PDE10A: variants seen among roughly 807,000 people sequenced by gnomAD.
The protein encoded by PDE10A is cAMP and cAMP-inhibited cGMP 3',5'-cyclic phosphodiesterase 10A.
PDE10A carries 39 observed loss-of-function variants against 97.7 expected under a neutral mutation model. The ratio of observed to expected loss-of-function variants is 0.40; its 90% CI spans 0.31 to 0.52. PDE10A has a LOEUF of 0.52. Among genes scored for constraint, PDE10A ranks in the 20% least tolerant of loss-of-function variants. The pLI, the probability that PDE10A is intolerant of heterozygous loss-of-function variation, is 0.56. For synonymous variants in PDE10A, 371 were observed against 376.8 expected, an observed-to-expected ratio of 0.98 and a Z score of 0.18; for missense variants, 731 against 1,047.8, an observed-to-expected ratio of 0.70 and a Z score of 4.17.
Position 165,328,745 on chromosome 6 carries a change from T to C in PDE10A, c.*4280A>G, listed in dbSNP as rs991161205. ...TTCTTAATTTAGAACCAGCACACCGTTGACACTTTTTAATTTTTTCTTGCT... is the reference window on the plus strand; with the variant it reads ...TTCTTAATTTAGAACCAGCACACCGCTGACACTTTTTAATTTTTTCTTGCT... On this transcript the variant is annotated 3_prime_UTR_variant, in exon 22 of 22. Coordinates refer to ENST00000539869, the MANE Select transcript of PDE10A (RefSeq NM_001385079.1). 6.6e-6 allele frequency: 1 copy of C among 152,240 alleles called. No homozygotes were observed. The highest frequency in any genetic ancestry group is 2.4e-5 in the African/African-American group (1 of 41,468). The allele number at this position is 152,240 out of a possible 1,614,324, so 9.4% of individuals were successfully genotyped here. A position where few individuals can be genotyped will look rare whatever the true frequency, so the allele number is the denominator to read the frequency against.
chr6:165,485,953 G>C (rs1483804366), intron 2 of PDE10A, among the ~76,000 whole-genome samples: 2 of 152,228 alleles, frequency 1.3e-5, no homozygotes, highest in African/African-American at 4.8e-5. Context: ...TTTACTGTTG[G>C]TGAAGAGTTG....
chr6:165,671,108 A>C lies in PDE10A; in HGVS notation c.-614-127540T>G, dbSNP rs1790634921. On this transcript the variant is annotated intron_variant, in intron 1 of 19. Coordinates refer to the PDE10A transcript ENST00000366882. The surrounding 1 kb of genome is among the most constrained non-coding windows in gnomAD (Gnocchi z 4.6). Reference sequence around the variant, plus strand: ...AGGTTTTCAACATATCAATGTTAGAATCACCCTTTTTGGGTAAAACGTTCA... The same window carrying C: ...AGGTTTTCAACATATCAATGTTAGACTCACCCTTTTTGGGTAAAACGTTCA... 6.6e-6 allele frequency among the ~76,000 whole-genome samples: 1 copy of C among 151,090 alleles called. No homozygotes were observed. Among genetic ancestry groups the C allele is most frequent in the Non-Finnish European group, 1.5e-5 (1 of 67,842 alleles).
At chr6:165,677,214 C>T (rs975005640) in intron 1 of PDE10A, among the ~76,000 whole-genome samples, 6 of 152,158 alleles carry the variant, frequency 3.9e-5, no homozygotes, top group Non-Finnish European at 8.8e-5. Context: ...GATCAGTGGA[C>T]GACTTCAAGA....
At chr6:165,755,454 C>T in intron 1 of PDE10A, among the ~76,000 whole-genome samples, 1 of 152,196 alleles carries the variant, frequency 6.6e-6, no homozygotes, top group Middle Eastern at 3.2e-3. Flanking sequence ...GAATTTCTCC[C>T]TGTCCCTGTC....
intron 1 of PDE10A, among the ~76,000 whole-genome samples, chr6:165,659,065 T>G (rs1284721915): frequency 6.6e-6 from 1 of 152,138 alleles, no homozygotes; most frequent in Non-Finnish European, 1.5e-5. Context: ...CTAAGTGTTG[T>G]TTGGTGCATG....
At chr6:165,545,138 T>C in intron 1 of PDE10A, 1 of 493,442 alleles carries the variant, frequency 2.0e-6, no homozygotes, top group South Asian at 1.5e-5. Flanking sequence ...GATTCCTTCT[T>C]AAAATTTCTT....
chr6:165,372,761 G>C (rs575046241), intron 18 of PDE10A, among the ~76,000 whole-genome samples: 75 of 121,748 alleles, frequency 6.2e-4, no homozygotes, highest in Non-Finnish European at 8.9e-4. Flanking sequence ...AAAAGAGCCC[G>C]CATTGCCAAG....
intron 1 of PDE10A, among the ~76,000 whole-genome samples, chr6:165,758,472 AAGAAAGAAGAAAGG>A (rs1262262497): frequency 8.3e-6 from 1 of 120,508 alleles, no homozygotes; most frequent in African/African-American, 2.6e-5. Flanking sequence ...AAAAAAGAAG[AAGAAAGAAGAAAGG>A]AGAAAGAAGA....
intron 3 of PDE10A, among the ~76,000 whole-genome samples, chr6:165,459,689 T>A (rs1778204002): frequency 6.6e-6 from 1 of 152,106 alleles, no homozygotes; most frequent in Non-Finnish European, 1.5e-5. Flanking sequence ...GGCTGCTCTG[T>A]GACCTATCAG....
At position 165,482,315 on chromosome 6, in the gene PDE10A, C is replaced by G; in HGVS notation, c.1023G>C (p.Arg341Ser). Residue 341 changes from arginine (R) to serine (S), a missense_variant and splice_region_variant, in exon 3 of 22, where the codon AGG (arginine) becomes AGC (serine). Coordinates refer to ENST00000539869, the MANE Select transcript of PDE10A (RefSeq NM_001385079.1). The part of the protein sequence containing the change: ...EDESAPKEVS[R>S]YQDTNMQGVV... ...TAGAAATAATATTCACATCACTTAC[C>G]CTGCTGACTTCCTTAGGAGCTGATT... 1 of 1,592,380 alleles carries G rather than the reference C, an allele frequency of 6.3e-7. No homozygotes were observed. The highest frequency in any genetic ancestry group is 8.6e-7 in the Non-Finnish European group (1 of 1,160,586).
intron 3 of PDE10A, among the ~76,000 whole-genome samples, chr6:165,479,276 A>AC (rs1471402307): frequency 6.6e-6 from 1 of 152,136 alleles, no homozygotes; most frequent in Non-Finnish European, 1.5e-5. Flanking sequence ...CACTGGGTCT[A>AC]CCTGTTTCCA....
chr6:165,355,774 C>G (rs1282047250), intron 18 of PDE10A, among the ~76,000 whole-genome samples: 1 of 151,974 alleles, frequency 6.6e-6, no homozygotes, highest in African/African-American at 2.4e-5. Flanking sequence ...TAAAACAAAA[C>G]AAAATAAAAA....
chr6:165,757,699 A>G (rs986378786), intron 1 of PDE10A, among the ~76,000 whole-genome samples: 15 of 152,194 alleles, frequency 9.9e-5, no homozygotes, highest in African/African-American at 1.4e-4. Flanking sequence ...ATACGTCTAT[A>G]GTATGTCTTT....
At chr6:165,826,773 T>G in intron 1 of PDE10A, among the ~76,000 whole-genome samples, 3 of 118,032 alleles carry the variant, frequency 2.5e-5, no homozygotes, top group South Asian at 2.9e-4. Flanking sequence ...AGATGTGCGG[T>G]TGGGAGGGGG....
chr6:165,831,048 A>T (rs1455459365), intron 1 of PDE10A, among the ~76,000 whole-genome samples: 1 of 152,170 alleles, frequency 6.6e-6, no homozygotes, highest in African/African-American at 2.4e-5. Context: ...ACTTTTAAAC[A>T]GAGTCCTCTC....
rs138562684 is a variant in PDE10A, at chr6:165,918,861, G to A, written c.-615+68668C>T. Among the ~76,000 whole-genome samples the A allele has an allele frequency of 8.5e-5, 13 of 152,218 alleles. No individual in the cohort carries two copies. In the East Asian group the frequency reaches 2.5e-3, roughly 29 times the overall value. On this transcript the variant is annotated intron_variant, in intron 1 of 19. Coordinates refer to the PDE10A transcript ENST00000366882. Reference sequence around the variant, plus strand: ...AGTGAATGACACAAACTTTCAGACTGTCTTTGCAGATGTGTTTGCGACCTG... The same window carrying A: ...AGTGAATGACACAAACTTTCAGACTATCTTTGCAGATGTGTTTGCGACCTG...
At chr6:165,525,505 T>C (rs1304929993) in intron 2 of PDE10A, among the ~76,000 whole-genome samples, 1 of 151,650 alleles carries the variant, frequency 6.6e-6, no homozygotes, top group Non-Finnish European at 1.5e-5. Context: ...GATGGTGGAG[T>C]GGATTAGACA....
intron 1 of PDE10A, among the ~76,000 whole-genome samples, chr6:165,659,316 A>T (rs1199163301): frequency 1.3e-5 from 2 of 152,340 alleles, no homozygotes; most frequent in Non-Finnish European, 2.9e-5. Context: ...AATTAGACAC[A>T]TTTGTATGCA....
Position 165,372,713 on chromosome 6 carries a change from A to G in PDE10A, c.2783+6481T>C, listed in dbSNP as rs1477454897. On this transcript the variant is annotated intron_variant, in intron 18 of 21. Transcript: ENST00000539869. ...AAGCTACCAATGACTTTCTTCACAG[A>G]ATTGGAAAAAAATACTTTAAAGTTC... 3.0e-5 allele frequency among the ~76,000 whole-genome samples: 4 copies of G among 131,392 alleles called. No individual in the cohort carries two copies. The South Asian group carries it at 9.6e-4, about 31-fold the overall frequency. The allele number at this position is 131,392 out of a possible 152,430, so 86.2% of individuals were successfully genotyped here.
Sources: allele counts gnomAD v4.1 joint callset (sites outside exome capture counted in the v4.1 genomes callset), GRCh38; gene constraint gnomAD v4.1.1; non-coding constraint Gnocchi (gnomAD v3.1); transcripts MANE v1.5; gene names NCBI Gene and HGNC (gene_info 2026-07-23, HGNC 2026-07-21).